Variants in EEF1AKMT1 observed in about 807,000 individuals in gnomAD.
EEF1AKMT1 encodes the protein EEF1A lysine methyltransferase 1.
A neutral mutation model predicts 21.0 loss-of-function variants in EEF1AKMT1; 18 were observed. That is an observed-to-expected ratio of 0.86 (90% CI 0.59 to 1.27). The LOEUF (loss-of-function observed/expected upper bound fraction) is 1.27, where lower values mean the gene tolerates loss of function less well. Ranked by LOEUF, EEF1AKMT1 falls within the 50% of genes most tolerant of loss-of-function variation. EEF1AKMT1 has a pLI of 0.00. For synonymous variants in EEF1AKMT1, 109 were observed against 94.8 expected, an observed-to-expected ratio of 1.15 and a Z score of -0.87; for missense variants, 246 against 258.6, an observed-to-expected ratio of 0.95 and a Z score of 0.33.
intron 2 of EEF1AKMT1, 118 bp downstream of exon 2, chr13:20,757,337 T>A: frequency 8.2e-7 from 1 of 1,223,192 alleles, no homozygotes; most frequent in Middle Eastern, 2.8e-4. Flanking sequence ...GAAGTTCAGA[T>A]CCCAAATGAC....
Position 20,773,922 on chromosome 13 carries a change from A to T in EEF1AKMT1, c.-21T>A, listed in dbSNP as rs907641404. The T allele has an allele frequency of 7.3e-4, 112 of 152,622 alleles. No individual in the cohort carries two copies. The highest frequency in any genetic ancestry group is 2.7e-3 in the African/African-American group (111 of 41,590). 9.5% of individuals were successfully genotyped at this position (152,622 alleles called of 1,614,324 possible). On this transcript the variant is annotated splice_region_variant and 5_prime_UTR_variant, in exon 1 of 5. Coordinates refer to ENST00000382758, the MANE Select transcript of EEF1AKMT1 (RefSeq NM_001318939.2). ...GCTGCGCCCGAACCCGCCACTCACC[A>T]GCCGCGCGTGCGCAGTCGCCCAGAC...
At chr13:20,763,672 CAAACTCCTG>C (rs2059012768) in intron 1 of EEF1AKMT1, among the ~76,000 whole-genome samples, 1 of 152,146 alleles carries the variant, frequency 6.6e-6, no homozygotes, top group Non-Finnish European at 1.5e-5. Flanking sequence ...AGGCCAGTCT[CAAACTCCTG>C]ACCTCTGGTG....
chr13:20,737,731 T>C lies in EEF1AKMT1; in HGVS notation c.219A>G (p.Glu73=). The C allele has an allele frequency of 1.2e-6, 2 of 1,612,128 alleles. No individual in the cohort carries two copies. The highest frequency in any genetic ancestry group is 1.7e-6 in the Non-Finnish European group (2 of 1,179,014). ...LAQEAIAAVG[E]GGRIACVSAP... is the part of the protein sequence containing the mutation. ...GAAAATTTGAATCTCACCTGCCACC[T>C]TCTCCTACAGCTGCAATTGCCTCCT... is the stretch of plus-strand genomic sequence containing the variant. Residue 73 remains glutamate (E), a synonymous_variant, in exon 3 of 5, where the codon GAA becomes GAG. Coordinates refer to ENST00000382758, the MANE Select transcript of EEF1AKMT1 (RefSeq NM_001318939.2).
intron 2 of EEF1AKMT1, among the ~76,000 whole-genome samples, chr13:20,755,216 CAGA>C (rs2058965570): frequency 1.2e-4 from 19 of 152,224 alleles, no homozygotes; most frequent in Non-Finnish European, 2.5e-4. Context: ...CTGGTGGCAG[CAGA>C]CCACAGCAAC....
chr13:20,738,976 G>A (rs1402094138), intron 2 of EEF1AKMT1, among the ~76,000 whole-genome samples: 4 of 152,200 alleles, frequency 2.6e-5, no homozygotes, highest in Non-Finnish European at 4.4e-5. Flanking sequence ...GGACCCTCAC[G>A]ATGAGTGTGA....
Position 20,737,718 on chromosome 13 carries a change from C to A in EEF1AKMT1, c.227+5G>T. 1 of 1,609,910 alleles carries A rather than the reference C, an allele frequency of 6.2e-7. No individual in the cohort carries two copies. The highest frequency in any genetic ancestry group is 1.3e-5 in the African/African-American group (1 of 74,954). On this transcript the variant is annotated splice_donor_5th_base_variant and intron_variant, in intron 3 of 4. Coordinates refer to ENST00000382758, the MANE Select transcript of EEF1AKMT1 (RefSeq NM_001318939.2). ...GATGCCAAAAAGAGAAAATTTGAAT[C>A]TCACCTGCCACCTTCTCCTACAGCT...
intron 1 of EEF1AKMT1, among the ~76,000 whole-genome samples, chr13:20,770,960 G>A (rs2059059925): frequency 6.6e-6 from 1 of 151,598 alleles, no homozygotes; most frequent in South Asian, 2.1e-4. Flanking sequence ...GCTCCCTGCA[G>A]CCTCAAATTC....
rs534211484 is a variant in EEF1AKMT1, at chr13:20,748,279, C to A, written c.144+9176G>T. Among the ~76,000 whole-genome samples, 105 of 152,148 alleles carry A rather than the reference C, an allele frequency of 6.9e-4. 1 individual carries two copies. In the South Asian group the frequency reaches 0.02, roughly 29 times the overall value. On this transcript the variant is annotated intron_variant, in intron 2 of 4. Coordinates refer to ENST00000382758, the MANE Select transcript of EEF1AKMT1 (RefSeq NM_001318939.2). ...TGAAACCCCGTCTCTACTAAAAATA[C>A]AAAGAAATTAGCCGGGCATGGTGGC... is the stretch of plus-strand genomic sequence containing the variant.
At chr13:20,737,676 T>C in intron 3 of EEF1AKMT1, 47 bp downstream of exon 3, 2 of 1,470,050 alleles carry the variant, frequency 1.4e-6, no homozygotes, top group South Asian at 2.3e-5. Flanking sequence ...AGGAAAGACA[T>C]TCAAAATATT....
chr13:20,739,021 C>T (rs1323615078), intron 2 of EEF1AKMT1, among the ~76,000 whole-genome samples: 1 of 152,144 alleles, frequency 6.6e-6, no homozygotes, highest in Non-Finnish European at 1.5e-5. Flanking sequence ...GAGTTCCTTC[C>T]TTCTGATGTT....
At chr13:20,747,355 G>T (rs1444883947) in intron 2 of EEF1AKMT1, 1 of 235,924 alleles carries the variant, frequency 4.2e-6, no homozygotes, top group East Asian at 9.5e-5. Flanking sequence ...GGAAGAGAAC[G>T]GATTTTGCCT....
intron 2 of EEF1AKMT1, among the ~76,000 whole-genome samples, chr13:20,742,589 G>A (rs1471958038): frequency 6.6e-6 from 1 of 152,194 alleles, no homozygotes; most frequent in Non-Finnish European, 1.5e-5. Context: ...CAGGTAACAT[G>A]AGTGCCTGCT....
At chr13:20,765,561 G>T (rs8001310) in intron 1 of EEF1AKMT1, among the ~76,000 whole-genome samples, 1 of 151,142 alleles carries the variant, frequency 6.6e-6, no homozygotes, top group East Asian at 2.0e-4. Context: ...TACAAGCGCC[G>T]GCCACCACAC....
chr13:20,749,724 A>G (rs1368662033), intron 2 of EEF1AKMT1, among the ~76,000 whole-genome samples: 1 of 152,162 alleles, frequency 6.6e-6, no homozygotes, highest in Non-Finnish European at 1.5e-5. Context: ...GAAAGAAAAG[A>G]AAAGGAAAAA....
chr13:20,760,982 C>A (rs1353623544), intron 1 of EEF1AKMT1, among the ~76,000 whole-genome samples: 1 of 152,190 alleles, frequency 6.6e-6, no homozygotes, highest in African/African-American at 2.4e-5. Flanking sequence ...TCCCATGTAT[C>A]CTTCCACCTA....
In EEF1AKMT1 at chr13:20,729,181, C is replaced by T. The variant is rs750640970; in HGVS notation, c.544G>A (p.Gly182Arg). The T allele has an allele frequency of 2.9e-5, 47 of 1,614,014 alleles. No homozygotes were observed. Among genetic ancestry groups the T allele is most frequent in the Non-Finnish European group, 3.9e-5 (46 of 1,180,044 alleles). The stretch of plus-strand genomic sequence containing the variant: ...GGAACAAACGTGCACATCTTCACTC[C>T]AAGGAGTTCTGCTGCCTGTTCTTCC... ...IMEEQAAELL[G>R]VKMCTFVPRH... The change falls in exon 5 of 5, where the codon GGA (glycine) becomes AGA (arginine). Residue 182 changes from glycine to arginine, a missense_variant. Physicochemically the swap from Gly to Arg is moderately radical, Grantham distance 125 (BLOSUM62 -2). Transcript: ENST00000382758.
At chr13:20,764,832 T>C (rs1252779582) in intron 1 of EEF1AKMT1, among the ~76,000 whole-genome samples, 1 of 129,318 alleles carries the variant, frequency 7.7e-6, no homozygotes, top group Non-Finnish European at 1.8e-5. Flanking sequence ...GCTCATGCTT[T>C]TAAAAAAAAG....
At chr13:20,745,687 A>G (rs2058899839) in intron 2 of EEF1AKMT1, among the ~76,000 whole-genome samples, 1 of 152,008 alleles carries the variant, frequency 6.6e-6, no homozygotes, top group Admixed American at 6.6e-5. Flanking sequence ...CATCTCTTCT[A>G]AAAATACAAA....
At chr13:20,762,587 T>C (rs1267597435) in intron 1 of EEF1AKMT1, among the ~76,000 whole-genome samples, 1 of 152,044 alleles carries the variant, frequency 6.6e-6, no homozygotes, top group African/African-American at 2.4e-5. Context: ...CCATTAAATA[T>C]GATGCAGCCA....
Sources: allele counts gnomAD v4.1 joint callset (sites outside exome capture counted in the v4.1 genomes callset), GRCh38; gene constraint gnomAD v4.1.1; transcripts MANE v1.5; gene names NCBI Gene and HGNC (gene_info 2026-07-23, HGNC 2026-07-21).